Variants in SCUBE3 observed in about 807,000 individuals in gnomAD.
The protein encoded by SCUBE3 is signal peptide, CUB domain and EGF like domain containing 3.
In SCUBE3, 33 loss-of-function variants were observed where a neutral mutation model predicts 116.8. The ratio of observed to expected loss-of-function variants is 0.28; its 90% CI spans 0.21 to 0.38. The LOEUF is 0.38. SCUBE3 is among the 10% of genes least tolerant of loss of function. The probability of loss-of-function intolerance (pLI) is 1.00; values close to 1 mark genes in which losing one functional copy is unlikely to be tolerated. For synonymous variants in SCUBE3, 418 were observed against 496.9 expected (o/e 0.84, Z 2.11); for missense variants, 1,007 against 1,324.8 (o/e 0.76, Z 3.72).
Position 35,214,384 on chromosome 6 carries a change from C to G in SCUBE3, c.-35C>G, listed in dbSNP as rs561577567. On this transcript the variant is annotated 5_prime_UTR_variant, in exon 1 of 22. Coordinates refer to ENST00000274938, the MANE Select transcript of SCUBE3 (RefSeq NM_152753.4). The surrounding 1 kb of genome is among the most constrained non-coding windows in gnomAD (Gnocchi z 6.3). Reference sequence around the variant, plus strand: ...TTCCGCCCTCCCCTGGCCGCGAGACCGGCCCCGGCGGCTGGGCCGCCAGTA... The same window carrying G: ...TTCCGCCCTCCCCTGGCCGCGAGACGGGCCCCGGCGGCTGGGCCGCCAGTA... The G allele has an allele frequency of 3.0e-4, 415 of 1,376,976 alleles. No homozygotes were observed. The African/African-American group carries it at 4.9e-3, about 16-fold the overall frequency. 85.3% of individuals were successfully genotyped at this position (1,376,976 alleles called of 1,614,324 possible).
Position 35,214,447 on chromosome 6 carries a change from G to T in SCUBE3, c.29G>T (p.Cys10Phe), listed in dbSNP as rs866636310. The T allele has an allele frequency of 6.7e-7, 1 of 1,500,982 alleles. No homozygotes were observed. The highest frequency in any genetic ancestry group is 2.2e-5 in the Admixed American group (1 of 45,938). 93.0% of individuals were successfully genotyped at this position (1,500,982 alleles called of 1,614,324 possible). Residue 10 changes from cysteine (C) to phenylalanine (F), a missense_variant, in exon 1 of 22, where the codon TGC becomes TTC. Transcript: ENST00000274938. The surrounding 1 kb of genome is among the most constrained non-coding windows in gnomAD (Gnocchi z 6.3). MGSGRVPGL[C>F]LLVLLVHARA... Reference sequence around the variant, plus strand: ...GGCTCGGGGCGCGTACCCGGGCTCTGCCTGCTTGTCCTGCTGGTCCACGCC... The same window carrying T: ...GGCTCGGGGCGCGTACCCGGGCTCTTCCTGCTTGTCCTGCTGGTCCACGCC...
chr6:35,244,882 T>G lies in SCUBE3; in HGVS notation c.2401+71T>G, dbSNP rs1486075424. 1 of 1,481,268 alleles carries G rather than the reference T, an allele frequency of 6.8e-7. No individual in the cohort carries two copies. The highest frequency in any genetic ancestry group is 9.4e-7 in the Non-Finnish European group (1 of 1,067,060). The allele number at this position is 1,481,268 out of a possible 1,614,324, so 91.8% of individuals were successfully genotyped here. A position where few individuals can be genotyped will look rare whatever the true frequency, so the allele number is the denominator to read the frequency against. ...GAGCAGTGGACATCTAAAGGAGGGG[T>G]GTGAAACCAACAGGGAGCAGGGCTG... On this transcript the variant is annotated intron_variant, in intron 18 of 21. Coordinates refer to ENST00000274938, the MANE Select transcript of SCUBE3 (RefSeq NM_152753.4). The surrounding 1 kb of genome is among the most constrained non-coding windows in gnomAD (Gnocchi z 4.3).
Position 35,240,600 on chromosome 6 carries a change from T to C in SCUBE3, c.1069+110T>C. The C allele has an allele frequency of 1.7e-6, 1 of 582,136 alleles. No homozygotes were observed. The highest frequency in any genetic ancestry group is 2.8e-5 in the Admixed American group (1 of 35,480). 36.1% of individuals were successfully genotyped at this position (582,136 alleles called of 1,614,324 possible). ...TGGCTATGGGCAATCCCTGGATGCA[T>C]GCACCATGTCTGCATCCGCTGTGAC... On this transcript the variant is annotated intron_variant, in intron 9 of 21. Transcript: ENST00000274938. The surrounding 1 kb of genome is among the most constrained non-coding windows in gnomAD (Gnocchi z 4.6).
Position 35,244,243 on chromosome 6 carries a change from G to A in SCUBE3, c.2239+113G>A, listed in dbSNP as rs1215602296. 2 of 926,084 alleles carry A rather than the reference G, an allele frequency of 2.2e-6. No individual in the cohort carries two copies. The highest frequency in any genetic ancestry group is 1.7e-5 in the African/African-American group (1 of 60,548). The allele number at this position is 926,084 out of a possible 1,614,324, so 57.4% of individuals were successfully genotyped here. On this transcript the variant is annotated intron_variant, in intron 17 of 21. Transcript: ENST00000274938. The surrounding 1 kb of genome is among the most constrained non-coding windows in gnomAD (Gnocchi z 4.3). ...CACCATTTTCTCCAAACCAGTAATG[G>A]GCCCAGCTACTTGACCAACCATACC...
At chr6:35,221,718 G>A (rs918867118) in intron 1 of SCUBE3, 4 of 152,134 alleles carry the variant, frequency 2.6e-5, no homozygotes, top group African/African-American at 9.7e-5. Flanking sequence ...AAAGCTTTAG[G>A]AGCCATGGCC....
Position 35,247,240 on chromosome 6 carries a change from G to T in SCUBE3, c.2832+955G>T, listed in dbSNP as rs143663423. On this transcript the variant is annotated intron_variant, in intron 21 of 21. Coordinates refer to ENST00000274938, the MANE Select transcript of SCUBE3 (RefSeq NM_152753.4). Reference sequence around the variant, plus strand: ...GCCTGAGGTCAGGAGTTCCAGACCAGCCTGGCCAACATAGTGAAACCCCGT... The same window carrying T: ...GCCTGAGGTCAGGAGTTCCAGACCATCCTGGCCAACATAGTGAAACCCCGT... Among the ~76,000 whole-genome samples, 868 of 152,092 alleles carry T rather than the reference G, an allele frequency of 5.7e-3. 8 individuals are homozygous for T. Among genetic ancestry groups the T allele is most frequent in the African/African-American group, 0.017 (687 of 41,502 alleles).
At chr6:35,225,787 T>C (rs552905286) in intron 1 of SCUBE3, among the ~76,000 whole-genome samples, 1 of 152,320 alleles carries the variant, frequency 6.6e-6, no homozygotes, top group South Asian at 2.1e-4. Flanking sequence ...TACTGGTCCA[T>C]GCATCCATTC....
Position 35,248,629 on chromosome 6 carries a change from A to G in SCUBE3, c.2906A>G (p.His969Arg). The G allele has an allele frequency of 6.2e-7, 1 of 1,614,078 alleles. No homozygotes were observed. Among genetic ancestry groups the G allele is most frequent in the Non-Finnish European group, 8.5e-7 (1 of 1,180,004 alleles). The change falls in exon 22 of 22, where the codon CAC (histidine) becomes CGC (arginine). Residue 969 changes from histidine (H) to arginine (R), a missense_variant. Coordinates refer to ENST00000274938, the MANE Select transcript of SCUBE3 (RefSeq NM_152753.4). Reference sequence around the variant, plus strand: ...AACTACTTCAAGTACACAGAGAAACACAAGGAGATGCTGCCAAAATCCTTC... The same window carrying G: ...AACTACTTCAAGTACACAGAGAAACGCAAGGAGATGCTGCCAAAATCCTTC... ...PQNYFKYTEK[H>R]KEMLPKSFIK...
At chr6:35,216,517 G>C (rs1397890571) in intron 1 of SCUBE3, among the ~76,000 whole-genome samples, 1 of 152,188 alleles carries the variant, frequency 6.6e-6, no homozygotes, top group Non-Finnish European at 1.5e-5. Flanking sequence ...GCCAGAGGTT[G>C]CCTAATAGCA....
Position 35,245,192 on chromosome 6 carries a change from C to T in SCUBE3, c.2402-36C>T. 1 of 1,600,868 alleles carries T rather than the reference C, an allele frequency of 6.2e-7. No individual in the cohort carries two copies. The highest frequency in any genetic ancestry group is 8.6e-7 in the Non-Finnish European group (1 of 1,167,938). ...GCACACTTCCCCACTGACTTCCCTT[C>T]TCTGTCTTGTTTTATCCACTGGGGT... On this transcript the variant is annotated intron_variant, in intron 18 of 21. Transcript: ENST00000274938. This position sits in a 1 kb window ranked among gnomAD's most constrained non-coding sequence, Gnocchi z 4.2.
intron 21 of SCUBE3, among the ~76,000 whole-genome samples, chr6:35,248,062 A>G (rs1261534873): frequency 6.6e-6 from 1 of 152,266 alleles, no homozygotes; most frequent in Non-Finnish European, 1.5e-5. Flanking sequence ...CATTCTGCCA[A>G]TGAGTGATAA....
intron 1 of SCUBE3, among the ~76,000 whole-genome samples, chr6:35,215,767 C>A (rs552113897): frequency 1.3e-5 from 2 of 152,304 alleles, no homozygotes; most frequent in South Asian, 4.1e-4. Context: ...CTTCCCCCTC[C>A]AACCTGTCCT....
chr6:35,217,224 G>A (rs1782936651), intron 1 of SCUBE3, among the ~76,000 whole-genome samples: 1 of 8,770 alleles, frequency 1.1e-4, no homozygotes. Context: ...GTGTTTGGCG[G>A]GGGGGGGGGG....
rs574621132 is a variant in SCUBE3, at chr6:35,231,149, G to C, written c.335-576G>C. ...AATATGGCAGCAAGCCCAGGCACAG[G>C]GGGGAGGGGAGGAAGGACAGGGCTG... is the stretch of plus-strand genomic sequence containing the variant. On this transcript the variant is annotated intron_variant, in intron 3 of 21. Coordinates refer to ENST00000274938, the MANE Select transcript of SCUBE3 (RefSeq NM_152753.4). This position sits in a 1 kb window ranked among gnomAD's most constrained non-coding sequence, Gnocchi z 4.2. 5.9e-5 allele frequency among the ~76,000 whole-genome samples: 9 copies of C among 152,254 alleles called. No individual in the cohort carries two copies. The highest frequency in any genetic ancestry group is 1.3e-4 in the Admixed American group (2 of 15,302).
In SCUBE3 at chr6:35,244,205, G is replaced by A. The variant is rs886565010; in HGVS notation, c.2239+75G>A. 6 of 1,328,840 alleles carry A rather than the reference G, an allele frequency of 4.5e-6. No individual in the cohort carries two copies. In the East Asian group the frequency reaches 1.5e-4, roughly 33 times the overall value. The allele number at this position is 1,328,840 out of a possible 1,614,324, so 82.3% of individuals were successfully genotyped here. A position where few individuals can be genotyped will look rare whatever the true frequency, so the allele number is the denominator to read the frequency against. Reference sequence around the variant, plus strand: ...CCAAAAAACTCTCCAATTTCCCAGAGGGGACACTGACCCACCATTTTCTCC... The same window carrying A: ...CCAAAAAACTCTCCAATTTCCCAGAAGGGACACTGACCCACCATTTTCTCC... On this transcript the variant is annotated intron_variant, in intron 17 of 21. Transcript: ENST00000274938. This position sits in a 1 kb window ranked among gnomAD's most constrained non-coding sequence, Gnocchi z 4.3.
intron 1 of SCUBE3, chr6:35,224,463 A>G (rs2150288976): frequency 6.6e-6 from 1 of 152,126 alleles, no homozygotes; most frequent in South Asian, 2.1e-4. Flanking sequence ...CCATGTCTCT[A>G]TTAATAATAC....
chr6:35,248,164 G>A (rs1271456750), intron 21 of SCUBE3, among the ~76,000 whole-genome samples: 3 of 70,534 alleles, frequency 4.3e-5, no homozygotes, highest in Non-Finnish European at 1.1e-4. Context: ...AAGAGTCTAC[G>A]GAGGGACAAA....
In SCUBE3 at chr6:35,241,721, G is replaced by A. The variant is rs1784063075; in HGVS notation, c.1312+62G>A. On this transcript the variant is annotated intron_variant, in intron 11 of 21. Transcript: ENST00000274938. This position sits in a 1 kb window ranked among gnomAD's most constrained non-coding sequence, Gnocchi z 4.1. ...GAAAAGAGGAAGGACTGGCCGTTCA[G>A]GCAGCTCCTTCATTCCCCCTGGATT... The A allele has an allele frequency of 2.5e-5, 38 of 1,508,246 alleles. No individual in the cohort carries two copies. Among genetic ancestry groups the A allele is most frequent in the Non-Finnish European group, 3.4e-5 (37 of 1,083,520 alleles). 93.4% of individuals were successfully genotyped at this position (1,508,246 alleles called of 1,614,324 possible).
At chr6:35,247,040 T>G (rs952420774) in intron 21 of SCUBE3, among the ~76,000 whole-genome samples, 3 of 152,126 alleles carry the variant, frequency 2.0e-5, no homozygotes, top group African/African-American at 7.2e-5. Context: ...AATCAATTTA[T>G]GTACAGACTT....
Sources: gnomAD v4.1 joint callset for allele counts (sites outside exome capture counted in the v4.1 genomes callset) on GRCh38, gnomAD v4.1.1 for gene constraint, Gnocchi (gnomAD v3.1) non-coding constraint, MANE v1.5 for transcripts, NCBI Gene and HGNC (gene_info 2026-07-23, HGNC 2026-07-21) for gene names.